Variants in STAT2 observed in about 807,000 individuals in gnomAD.
STAT2 encodes signal transducer and activator of transcription 2.
A neutral mutation model predicts 122.3 loss-of-function variants in STAT2; 51 were observed. That is an observed-to-expected ratio of 0.42 (90% CI 0.33 to 0.53). STAT2 has a LOEUF of 0.53. Ranked by LOEUF, STAT2 falls within the 20% of genes least tolerant of loss-of-function variation. The pLI is 0.10. For missense variants in STAT2, 736 were observed against 1,010.3 expected, an observed-to-expected ratio of 0.73 and a Z score of 3.68; for synonymous variants, 351 against 394.9, an observed-to-expected ratio of 0.89 and a Z score of 1.32.
Position 56,355,465 on chromosome 12 carries a change from A to G in STAT2, c.449T>C (p.Leu150Pro). The change falls in exon 5 of 24, where the codon CTG (leucine) becomes CCG (proline). Residue 150 changes from leucine (L) to proline (P), a missense_variant. By Grantham distance (98) the Leu-to-Pro change is moderately conservative (BLOSUM62 -3). Transcript: ENST00000314128. The part of the protein sequence containing the change: ...SQQHEIESRI[L>P]DLRAMMEKLV... ...AACCTCCATCATAGCCCTTAAATCC[A>G]GGATCCGGGATTCAATCTCATGTTG... 4 of 1,614,146 alleles carry G rather than the reference A, an allele frequency of 2.5e-6. No individual in the cohort carries two copies. Among genetic ancestry groups the G allele is most frequent in the Non-Finnish European group, 3.4e-6 (4 of 1,180,028 alleles).
chr12:56,342,636 GTGATC>G lies in STAT2; in HGVS notation c.*748_*752del, dbSNP rs1876754829. 1 of 152,120 alleles carries G rather than the reference GTGATC, an allele frequency of 6.6e-6. No individual in the cohort carries two copies. The highest frequency in any genetic ancestry group is 2.1e-4 in the South Asian group (1 of 4,822). 9.4% of individuals were successfully genotyped at this position (152,120 alleles called of 1,614,324 possible). A position where few individuals can be genotyped will look rare whatever the true frequency, so the allele number is the denominator to read the frequency against. On this transcript the variant is annotated 3_prime_UTR_variant, in exon 24 of 24. Coordinates refer to ENST00000314128, the MANE Select transcript of STAT2 (RefSeq NM_005419.4). ...ATCCTACCATCCCCAGCCTCCAGGAGTGATCTGTCTCCTAAGCATTGAGAAAGTGG... is the reference window on the plus strand; with the variant it reads ...ATCCTACCATCCCCAGCCTCCAGGAGTGTCTCCTAAGCATTGAGAAAGTGG...
chr12:56,358,887 C>A (rs1879939184), intron 1 of STAT2, among the ~76,000 whole-genome samples: 1 of 152,116 alleles, frequency 6.6e-6, no homozygotes, highest in Non-Finnish European at 1.5e-5. Flanking sequence ...CAAAGCAAGA[C>A]TCTGTCTCAA....
rs867431348 is a variant in STAT2 at position 56,354,580 on chromosome 12, C to T, written c.668G>A (p.Arg223Gln). The T allele has an allele frequency of 8.1e-6, 13 of 1,614,034 alleles. No homozygotes were observed. The highest frequency in any genetic ancestry group is 2.7e-5 in the African/African-American group (2 of 74,914). The change falls in exon 8 of 24, where the codon CGA becomes CAA. Residue 223 changes from arginine (R) to glutamine (Q), a missense_variant. Physicochemically the swap from Arg to Gln is conservative, Grantham distance 43. Transcript: ENST00000314128. ...CAGTAGCTCGATTAGGGTAGTTAATCGGCCTAGCAGTGCTTTGGAGGCATC... is the reference window on the plus strand; with the variant it reads ...CAGTAGCTCGATTAGGGTAGTTAATTGGCCTAGCAGTGCTTTGGAGGCATC... ...VLDASKALLG[R>Q]LTTLIELLLP...
At chr12:56,345,524 A>ATAT (rs1253052692) in intron 22 of STAT2, among the ~76,000 whole-genome samples, 1 of 26,250 alleles carries the variant, frequency 3.8e-5, no homozygotes. Context: ...AAAAAAAAAA[A>ATAT]ATATATATAT....
At position 56,342,845 on chromosome 12, in the gene STAT2, G is replaced by C. The variant is rs988388804; in HGVS notation, c.*544C>G. 6.6e-6 allele frequency: 1 copy of C among 152,276 alleles called. No homozygotes were observed. Among genetic ancestry groups the C allele is most frequent in the African/African-American group, 2.4e-5 (1 of 41,426 alleles). 9.4% of individuals were successfully genotyped at this position (152,276 alleles called of 1,614,324 possible). On this transcript the variant is annotated 3_prime_UTR_variant, in exon 24 of 24. Coordinates refer to ENST00000314128, the MANE Select transcript of STAT2 (RefSeq NM_005419.4). ...CTTCAGGGTAGAGTTTCACATGGTA[G>C]GCTAAGGCAGAAAGCTCTCAACCCC...
chr12:56,351,010 A>G, intron 10 of STAT2, 88 bp downstream of exon 10: 1 of 1,574,210 alleles, frequency 6.4e-7, no homozygotes, highest in Non-Finnish European at 8.7e-7. Flanking sequence ...GAGAAGAAAA[A>G]GCCAAGAGTG....
intron 1 of STAT2, among the ~76,000 whole-genome samples, chr12:56,358,648 C>A (rs936918730): frequency 6.6e-6 from 1 of 152,184 alleles, no homozygotes; most frequent in African/African-American, 2.4e-5. Context: ...TAGAAGACAT[C>A]TAAATGCTGT....
In STAT2 at chr12:56,348,922, A is replaced by G; in HGVS notation, c.1576+2T>C. 2 of 1,613,418 alleles carry G rather than the reference A, an allele frequency of 1.2e-6. No homozygotes were observed. The highest frequency in any genetic ancestry group is 1.7e-6 in the Non-Finnish European group (2 of 1,179,584). ...AAGGCTGAGAGAAAAGGAAATCTGT[A>G]CCGAACAGCTTGTTTCTCAGCATGC... On this transcript the variant is annotated splice_donor_variant, in intron 17 of 23. Transcript: ENST00000314128. LOFTEE classifies it high-confidence loss of function.
Position 56,350,408 on chromosome 12 carries a change from C to T in STAT2, c.1115+4G>A. The stretch of plus-strand genomic sequence containing the variant: ...TGTTTGCAGTGTCCTTGTCAAGCAC[C>T]TACCCTTGTAATTGAGGAGGATTCC... On this transcript the variant is annotated splice_donor_region_variant and intron_variant, in intron 12 of 23. Transcript: ENST00000314128. 2 of 1,606,702 alleles carry T rather than the reference C, an allele frequency of 1.2e-6. No individual in the cohort carries two copies. The highest frequency in any genetic ancestry group is 1.7e-5 in the Admixed American group (1 of 57,844).
intron 9 of STAT2, 24 bp downstream of exon 9, chr12:56,351,268 A>G (rs200430739): frequency 5.6e-6 from 9 of 1,612,680 alleles, no homozygotes; most frequent in Non-Finnish European, 6.8e-6. Flanking sequence ...TCTTTCCCCC[A>G]GGGTTCCTGC....
In STAT2 at chr12:56,351,346, C is replaced by G; in HGVS notation, c.887G>C (p.Gly296Ala). The G allele has an allele frequency of 6.2e-7, 1 of 1,614,134 alleles. No individual in the cohort carries two copies. Among genetic ancestry groups the G allele is most frequent in the Non-Finnish European group, 8.5e-7 (1 of 1,180,028 alleles). ...GACCTGGGCGTTGCGTAGGTCCACC[C>G]CTTTGGTCAGAGGGTCATCCTGATA... ...VSYQDDPLTKGVDLRNAQVTE... is the reference protein window; with the variant it reads ...VSYQDDPLTKAVDLRNAQVTE... Residue 296 changes from glycine (G) to alanine (A), a missense_variant, in exon 9 of 24, where the codon GGG becomes GCG. Gly to Ala is a moderately conservative substitution (Grantham distance 60). Coordinates refer to ENST00000314128, the MANE Select transcript of STAT2 (RefSeq NM_005419.4).
intron 7 of STAT2, 46 bp downstream of exon 7, chr12:56,354,730 ATT>A (rs777763867): frequency 1.9e-5 from 30 of 1,613,324 alleles, no homozygotes; most frequent in Non-Finnish European, 2.3e-5. Flanking sequence ...CACATCCCTC[ATT>A]TTTCCAGGTC....
chr12:56,347,009 C>CCCCTGCCT (rs1877583846), intron 19 of STAT2, 54 bp from the exon 20 acceptor site: 1 of 1,595,784 alleles, frequency 6.3e-7, no homozygotes, highest in Non-Finnish European at 8.6e-7. Flanking sequence ...CCCCACCAGG[C>CCCCTGCCT]CCCTGCCTCC....
rs1405753145 is a variant in STAT2, at chr12:56,349,464, C to T, written c.1303G>A (p.Val435Ile). 1 of 1,614,074 alleles carries T rather than the reference C, an allele frequency of 6.2e-7. No homozygotes were observed. Among genetic ancestry groups the T allele is most frequent in the Non-Finnish European group, 8.5e-7 (1 of 1,180,048 alleles). ...TTCAGACCCTGGTAGGTATATTTGA[C>T]CGTGAAGCTGATGATGTGCAGTTCC... ...TEELHIISFT[V>I]KYTYQGLKQE... The change falls in exon 15 of 24, where the codon GTC becomes ATC. Residue 435 changes from valine (V) to isoleucine (I), a missense_variant. Val to Ile is a conservative substitution (Grantham distance 29). Transcript: ENST00000314128.
rs113631947 is a variant in STAT2 at position 56,346,450 on chromosome 12, T to C, written c.2036A>G (p.Gln679Arg). 2 of 1,614,218 alleles carry C rather than the reference T, an allele frequency of 1.2e-6. No individual in the cohort carries two copies. Reference protein sequence around the residue: ...PRDEAFGCYYQEKVNLQERRK... With the variant: ...PRDEAFGCYYREKVNLQERRK... ...ATGTCAACGATTCCCACCTTTCTCC[T>C]GGTAGTAGCACCCAAAAGCTTCATC... is the stretch of plus-strand genomic sequence containing the variant. Residue 679 changes from glutamine (Q) to arginine (R), a missense_variant, in exon 21 of 24, where the codon CAG becomes CGG. Physicochemically the swap from Gln to Arg is conservative, Grantham distance 43. Coordinates refer to ENST00000314128, the MANE Select transcript of STAT2 (RefSeq NM_005419.4).
rs1876809409 is a variant in STAT2 at position 56,343,058 on chromosome 12, T to C, written c.*331A>G. 4.1e-6 allele frequency: 1 copy of C among 243,924 alleles called. No individual in the cohort carries two copies. Among genetic ancestry groups the C allele is most frequent in the Non-Finnish European group, 7.9e-6 (1 of 126,670 alleles). 15.1% of individuals were successfully genotyped at this position (243,924 alleles called of 1,614,324 possible). On this transcript the variant is annotated 3_prime_UTR_variant, in exon 24 of 24. Coordinates refer to ENST00000314128, the MANE Select transcript of STAT2 (RefSeq NM_005419.4). ...CTATTAAAATGTTGAAATCCTTCCATACTGGAAAGAAGCCACTGCCCTGAG... is the reference window on the plus strand; with the variant it reads ...CTATTAAAATGTTGAAATCCTTCCACACTGGAAAGAAGCCACTGCCCTGAG...
chr12:56,349,067 G>A lies in STAT2; in HGVS notation c.1441-8C>T. 1.2e-6 allele frequency: 2 copies of A among 1,613,126 alleles called. No homozygotes were observed. The highest frequency in any genetic ancestry group is 1.3e-5 in the African/African-American group (1 of 75,002). The stretch of plus-strand genomic sequence containing the variant: ...GGAGAAGAACTGCTGGTTCTGCAGG[G>A]GTGGGAGCAGTGTAGGCTGGCTCAG... On this transcript the variant is annotated splice_region_variant and splice_polypyrimidine_tract_variant and intron_variant, in intron 16 of 23. Transcript: ENST00000314128.
At chr12:56,352,371 T>TTTTTTTG (rs1565655623) in intron 8 of STAT2, 11 of 28,458 alleles carry the variant, frequency 3.9e-4, no homozygotes, top group Non-Finnish European at 6.8e-4. Context: ...TTTTTTTTTT[T>TTTTTTTG]GGTGGGGGTG....
intron 15 of STAT2, 76 bp downstream of exon 15, chr12:56,349,350 G>A: frequency 6.2e-7 from 1 of 1,614,078 alleles, no homozygotes. Context: ...CCCACCCCAA[G>A]AGGCTTCTGT....
Sources: gnomAD v4.1 joint callset for allele counts (sites outside exome capture counted in the v4.1 genomes callset) on GRCh38, gnomAD v4.1.1 for gene constraint, MANE v1.5 for transcripts, NCBI Gene and HGNC (gene_info 2026-07-23, HGNC 2026-07-21) for gene names.